Variants in SH3PXD2A observed in about 807,000 individuals in gnomAD.
The protein encoded by SH3PXD2A is SH3 and PX domains 2A, also known as SH3 and PX domain-containing protein 2A.
Under a neutral mutation model 115.2 loss-of-function variants are expected in SH3PXD2A, and 32 were observed. The observed-to-expected ratio is 0.28, with a 90% CI of 0.21 to 0.37. The LOEUF (loss-of-function observed/expected upper bound fraction) is 0.37. Among genes scored for constraint, SH3PXD2A ranks in the 10% least tolerant of loss-of-function variants. The pLI is 1.00. For synonymous variants in SH3PXD2A, 610 were observed against 629.1 expected (o/e 0.97, Z 0.45); for missense variants, 1,328 against 1,498.7 (o/e 0.89, Z 1.88).
intron 5 of SH3PXD2A, among the ~76,000 whole-genome samples, chr10:103,709,716 A>G (rs1162714980): frequency 1.3e-5 from 2 of 152,334 alleles, no homozygotes; most frequent in East Asian, 1.9e-4. Context: ...TGCAAGTCAC[A>G]TGACCTCTCT....
intron 1 of SH3PXD2A, among the ~76,000 whole-genome samples, chr10:103,836,934 G>A (rs1488264134): frequency 2.0e-5 from 3 of 152,248 alleles, no homozygotes; most frequent in East Asian, 1.9e-4. Flanking sequence ...GCCCCTCTCC[G>A]TTTCCTTAGA....
intron 6 of SH3PXD2A, among the ~76,000 whole-genome samples, chr10:103,689,946 A>AC (rs2134123997): frequency 6.6e-6 from 1 of 152,202 alleles, no homozygotes; most frequent in South Asian, 2.1e-4. Flanking sequence ...TTTACAGTGA[A>AC]CCCCAGAATG....
intron 1 of SH3PXD2A, among the ~76,000 whole-genome samples, chr10:103,818,498 G>C (rs1235902866): frequency 6.6e-6 from 1 of 152,174 alleles, no homozygotes; most frequent in Non-Finnish European, 1.5e-5. Context: ...CTTTAACACT[G>C]AGAATTGGAA....
intron 8 of SH3PXD2A, among the ~76,000 whole-genome samples, chr10:103,646,063 A>T (rs1592280017): frequency 6.6e-6 from 1 of 152,162 alleles, no homozygotes. Context: ...CCTGCCTGAC[A>T]TATAGGAGGT....
intron 1 of SH3PXD2A, among the ~76,000 whole-genome samples, chr10:103,850,367 G>A (rs193048855): frequency 6.6e-6 from 1 of 152,254 alleles, no homozygotes; most frequent in East Asian, 1.9e-4. Flanking sequence ...TGAAGGGTGT[G>A]GTTGGTTGTT....
At chr10:103,611,703 G>C (rs1213283415) in intron 12 of SH3PXD2A, 73 bp from the exon 13 acceptor site, 10 of 1,155,722 alleles carry the variant, frequency 8.7e-6, no homozygotes, top group Non-Finnish European at 1.2e-5. Flanking sequence ...GCCTTCCCTA[G>C]GTGAAACTAA....
intron 5 of SH3PXD2A, among the ~76,000 whole-genome samples, chr10:103,714,514 C>A (rs1452700894): frequency 6.6e-6 from 1 of 152,232 alleles, no homozygotes; most frequent in Non-Finnish European, 1.5e-5. Flanking sequence ...AGCTCGCCGA[C>A]CCAGCATGAC....
intron 7 of SH3PXD2A, chr10:103,661,571 G>T: frequency 2.4e-6 from 2 of 826,502 alleles, no homozygotes; most frequent in Non-Finnish European, 2.9e-6. Context: ...GCCCATGAGG[G>T]CTGAGGCCAG....
intron 6 of SH3PXD2A, among the ~76,000 whole-genome samples, chr10:103,683,420 A>C (rs1291652256): frequency 6.6e-6 from 1 of 152,064 alleles, no homozygotes; most frequent in Admixed American, 6.5e-5. Flanking sequence ...AGGCTGAGGC[A>C]CGAGAGCTGA....
intron 2 of SH3PXD2A, among the ~76,000 whole-genome samples, chr10:103,799,611 TGGGTGG>T (rs1335022050): frequency 1.3e-5 from 2 of 151,670 alleles, no homozygotes; most frequent in African/African-American, 2.4e-5. Context: ...AATGCAGGAG[TGGGTGG>T]GGGACCATAA....
chr10:103,667,771 G>T (rs2037403391), intron 7 of SH3PXD2A, among the ~76,000 whole-genome samples: 1 of 152,196 alleles, frequency 6.6e-6, no homozygotes, highest in Non-Finnish European at 1.5e-5. Context: ...GAGGGTCAGG[G>T]TGTGTAACAG....
Position 103,652,523 on chromosome 10 carries a change from G to GCCA in SH3PXD2A, c.604+8459_604+8460insTGG, listed in dbSNP as rs572714790. The stretch of plus-strand genomic sequence containing the variant: ...TTACAGAAAACCCAACTGCTGAAGG[G>GCCA]TGTAATATCACATGGCCACAGGATA... On this transcript the variant is annotated intron_variant, in intron 8 of 14. Coordinates refer to ENST00000369774, the MANE Select transcript of SH3PXD2A (RefSeq NM_001394015.1). 2.3e-3 allele frequency among the ~76,000 whole-genome samples: 346 copies of GCCA among 152,350 alleles called. 3 individuals are homozygous for GCCA. Among genetic ancestry groups the GCCA allele is most frequent in the Non-Finnish European group, 4.0e-3 (272 of 68,030 alleles).
chr10:103,618,701 A>G (rs1268086919), intron 10 of SH3PXD2A, among the ~76,000 whole-genome samples: 1 of 152,238 alleles, frequency 6.6e-6, no homozygotes, highest in East Asian at 1.9e-4. Context: ...TGTGAGCTCA[A>G]AACAGCGGGA....
intron 10 of SH3PXD2A, 36 bp downstream of exon 10, chr10:103,622,434 C>A: frequency 7.3e-7 from 1 of 1,368,796 alleles, no homozygotes; most frequent in South Asian, 1.2e-5. Context: ...GACAGGCGGT[C>A]GCTGCGAGGG....
chr10:103,830,794 C>T (rs909217705), intron 1 of SH3PXD2A, among the ~76,000 whole-genome samples: 7 of 152,154 alleles, frequency 4.6e-5, no homozygotes, highest in Admixed American at 1.3e-4. Context: ...ACAGCATAAC[C>T]TATTTTCTGA....
intron 1 of SH3PXD2A, among the ~76,000 whole-genome samples, chr10:103,839,592 C>A (rs556116276): frequency 3.9e-4 from 59 of 151,478 alleles, no homozygotes; most frequent in South Asian, 1.3e-3. Flanking sequence ...GCCCCTCCCC[C>A]AAGCCCACAC....
At chr10:103,776,573 AAT>A (rs1474033830) in intron 2 of SH3PXD2A, among the ~76,000 whole-genome samples, 1 of 151,984 alleles carries the variant, frequency 6.6e-6, no homozygotes, top group Non-Finnish European at 1.5e-5. Context: ...CTAGAAGTCC[AAT>A]ATCAAGGTAT....
intron 8 of SH3PXD2A, among the ~76,000 whole-genome samples, chr10:103,635,277 G>A (rs2036846633): frequency 6.6e-6 from 1 of 152,242 alleles, no homozygotes; most frequent in Non-Finnish European, 1.5e-5. Context: ...CTGGTTTCCA[G>A]GTACAAAGGA....
At chr10:103,738,984 G>A (rs975169724) in intron 3 of SH3PXD2A, among the ~76,000 whole-genome samples, 3 of 152,108 alleles carry the variant, frequency 2.0e-5, no homozygotes, top group Non-Finnish European at 4.4e-5. Flanking sequence ...AGTAGAGTGG[G>A]GTTTCTCCAT....
Sources: gnomAD v4.1 joint callset for allele counts (sites outside exome capture counted in the v4.1 genomes callset) on GRCh38, gnomAD v4.1.1 for gene constraint, MANE v1.5 for transcripts, NCBI Gene and HGNC (gene_info 2026-07-23, HGNC 2026-07-21) for gene names.